SDHB: variants seen among roughly 807,000 people sequenced by gnomAD.
SDHB encodes succinate dehydrogenase complex iron sulfur subunit B, also known as succinate dehydrogenase [ubiquinone] iron-sulfur subunit, mitochondrial.
SDHB carries 21 observed loss-of-function variants against 39.7 expected under a neutral mutation model. That is an observed-to-expected ratio of 0.53 (90% CI 0.37 to 0.76). SDHB has a LOEUF of 0.76. Among genes scored for constraint, SDHB ranks in the 30% least tolerant of loss-of-function variants. The probability of loss-of-function intolerance (pLI) is 0.00; values close to 1 mark genes in which losing one functional copy is unlikely to be tolerated. For missense variants in SDHB, 343 were observed against 350.9 expected (o/e 0.98, Z 0.18); for synonymous variants, 118 against 117.0 (o/e 1.01, Z -0.06).
rs147652082 is a variant in SDHB, at chr1:17,051,489, G to A, written c.72+2459C>T. Among the ~76,000 whole-genome samples, 54 of 152,162 alleles carry A rather than the reference G, an allele frequency of 3.5e-4. No homozygotes were observed. The South Asian group carries it at 0.01, about 29-fold the overall frequency. ...GAGAAGAAGGTGGGGAAATAGAGAG[G>A]AAGAAAGCAAAAAGGACTGTATGAA... On this transcript the variant is annotated intron_variant, in intron 1 of 7. Coordinates refer to ENST00000375499, the MANE Select transcript of SDHB (RefSeq NM_003000.3).
intron 1 of SDHB, among the ~76,000 whole-genome samples, chr1:17,049,360 C>T (rs147635972): frequency 4.7e-4 from 71 of 151,218 alleles, no homozygotes; most frequent in African/African-American, 1.6e-3. Flanking sequence ...TGCAGTGGCG[C>T]GATCTTGGAT....
chr1:17,028,717 T>G lies in SDHB; in HGVS notation c.306A>C (p.Ala102=). 1 of 1,614,142 alleles carries G rather than the reference T, an allele frequency of 6.2e-7. No individual in the cohort carries two copies. The stretch of plus-strand genomic sequence containing the variant: ...GAGTGTTGCCTCCATTGATGTTCAT[T>G]GCACAAGAGCCACAGATGCCTGAAA... ...SCREGICGSC[A]MNINGGNTLA... is the part of the protein sequence containing the mutation. The change falls in exon 4 of 8, where the codon GCA becomes GCC. Residue 102 remains alanine, a synonymous_variant. Transcript: ENST00000375499.
chr1:17,025,529 C>T (rs1047184063), intron 5 of SDHB, among the ~76,000 whole-genome samples: 4 of 151,922 alleles, frequency 2.6e-5, no homozygotes, highest in African/African-American at 7.3e-5. Context: ...CCCATCTCAG[C>T]CTCCTGAGTA....
At chr1:17,027,601 G>A (rs985398510) in intron 5 of SDHB, 148 bp downstream of exon 5, 25 of 714,642 alleles carry the variant, frequency 3.5e-5, no homozygotes, top group East Asian at 1.0e-4. Flanking sequence ...CCGGCCCTAA[G>A]AGGATGAGTG....
chr1:17,037,506 G>C (rs1389595660), intron 2 of SDHB, among the ~76,000 whole-genome samples: 2 of 151,964 alleles, frequency 1.3e-5, no homozygotes, highest in Non-Finnish European at 2.9e-5. Flanking sequence ...GCCCAGGCTG[G>C]AGTGCAGTGG....
Position 17,022,649 on chromosome 1 carries a change from G to T in SDHB, c.724C>A (p.Arg242Ser), listed in dbSNP as rs786203251. 1 of 1,614,012 alleles carries T rather than the reference G, an allele frequency of 6.2e-7. No homozygotes were observed. The highest frequency in any genetic ancestry group is 8.5e-7 in the Non-Finnish European group (1 of 1,179,962). The change falls in exon 7 of 8, where the codon CGC becomes AGC. Residue 242 changes from arginine to serine, a missense_variant. Coordinates refer to ENST00000375499, the MANE Select transcript of SDHB (RefSeq NM_003000.3). Reference sequence around the variant, plus strand: ...GTGCAGTTCATGATGGTGTGGCAGCGGTATAGAGAGAATGGGTCCTGCAGC... The same window carrying T: ...GTGCAGTTCATGATGGTGTGGCAGCTGTATAGAGAGAATGGGTCCTGCAGC... ...AKLQDPFSLYRCHTIMNCTRT... is the reference protein window; with the variant it reads ...AKLQDPFSLYSCHTIMNCTRT...
At chr1:17,028,557 C>G in intron 4 of SDHB, 43 bp downstream of exon 4, 2 of 1,608,294 alleles carry the variant, frequency 1.2e-6, no homozygotes, top group Non-Finnish European at 1.7e-6. Context: ...AGCACTGCCC[C>G]CCATGCAAAT....
intron 2 of SDHB, among the ~76,000 whole-genome samples, chr1:17,042,775 C>CAA (rs35897475): frequency 0.42 from 61,894 of 148,614 alleles, 14,435 homozygotes; most frequent in Non-Finnish European, 0.54. Context: ...GACCCTGACT[C>CAA]AAAAAAAAAG....
intron 3 of SDHB, among the ~76,000 whole-genome samples, chr1:17,031,208 G>A (rs2078021335): frequency 6.6e-6 from 1 of 152,216 alleles, no homozygotes; most frequent in Middle Eastern, 3.4e-3. Context: ...AGTTCCCCAA[G>A]AGACTGGATA....
intron 1 of SDHB, among the ~76,000 whole-genome samples, chr1:17,046,276 T>G (rs1344746637): frequency 1.3e-5 from 2 of 152,218 alleles, no homozygotes; most frequent in South Asian, 2.1e-4. Flanking sequence ...TAATGCCACC[T>G]TGTGGTATTT....
chr1:17,052,484 C>G (rs1294840251), intron 1 of SDHB: 3 of 152,146 alleles, frequency 2.0e-5, no homozygotes, highest in Non-Finnish European at 4.4e-5. Flanking sequence ...ACAAAAATGA[C>G]CTATGAAATT....
chr1:17,024,596 A>G (rs2077982257), intron 5 of SDHB, among the ~76,000 whole-genome samples: 1 of 152,200 alleles, frequency 6.6e-6, no homozygotes, highest in Admixed American at 6.5e-5. Context: ...CATCACAGTA[A>G]TCCTGTGAGG....
rs201558574 is a variant in SDHB at position 17,024,081 on chromosome 1, G to A, written c.541-7C>T. On this transcript the variant is annotated splice_polypyrimidine_tract_variant and splice_region_variant and intron_variant, in intron 5 of 7. Transcript: ENST00000375499. ...TGCACTCGTAGAGCCCGTCCTGTAT[G>A]GGGAGAAAAGAGAGGCAGGAGCTTG... 3 of 1,601,748 alleles carry A rather than the reference G, an allele frequency of 1.9e-6. No homozygotes were observed. The highest frequency in any genetic ancestry group is 1.7e-5 in the Admixed American group (1 of 59,950).
chr1:17,036,679 TA>T (rs1242752065), intron 2 of SDHB, among the ~76,000 whole-genome samples: 1 of 144,678 alleles, frequency 6.9e-6, no homozygotes, highest in Non-Finnish European at 1.5e-5. Flanking sequence ...TTTACATATA[TA>T]AATATAAATA....
rs148219632 is a variant in SDHB at position 17,045,478 on chromosome 1, G to A, written c.73-590C>T. Among the ~76,000 whole-genome samples, 313 of 152,184 alleles carry A rather than the reference G, an allele frequency of 2.1e-3. 1 individual carries two copies. Among genetic ancestry groups the A allele is most frequent in the African/African-American group, 7.1e-3 (296 of 41,514 alleles). ...AAAATAAAAAAATTAGCTGGGTGTC[G>A]TAGTGTGCGTCTCAGGAGGCAGAAG... On this transcript the variant is annotated intron_variant, in intron 1 of 7. Coordinates refer to ENST00000375499, the MANE Select transcript of SDHB (RefSeq NM_003000.3).
At chr1:17,024,480 C>T (rs2077981579) in intron 5 of SDHB, among the ~76,000 whole-genome samples, 2 of 152,208 alleles carry the variant, frequency 1.3e-5, no homozygotes, top group Non-Finnish European at 2.9e-5. Context: ...CTGGGCTCAG[C>T]AGAAGGGCCC....
rs794728946 is a variant in SDHB at position 17,027,763 on chromosome 1, C to A, written c.526G>T (p.Glu176Ter). ...GKQQYLQSIEEREKLDGLYEC... is the reference protein window; with the variant it reads ...GKQQYLQSIE ...GGACTAATGACCAGTTTCTCACGCT[C>A]TTCTATGGACTGCAGATACTGCTGC... is the stretch of plus-strand genomic sequence containing the variant. The change falls in exon 5 of 8, where the codon GAG (glutamate) becomes TAG (stop). Residue 176 changes from glutamate to a stop codon, truncating the protein, a stop_gained. Coordinates refer to ENST00000375499, the MANE Select transcript of SDHB (RefSeq NM_003000.3). LOFTEE classifies it high-confidence loss of function. 1 of 1,593,996 alleles carries A rather than the reference C, an allele frequency of 6.3e-7. No homozygotes were observed. The highest frequency in any genetic ancestry group is 8.6e-7 in the Non-Finnish European group (1 of 1,161,754).
At chr1:17,029,224 G>C (rs2078009940) in intron 3 of SDHB, among the ~76,000 whole-genome samples, 1 of 144,974 alleles carries the variant, frequency 6.9e-6, no homozygotes, top group Non-Finnish European at 1.5e-5. Flanking sequence ...TCCCACCTCA[G>C]CCTCCTAAGT....
chr1:17,021,676 C>T (rs1003532290), intron 7 of SDHB, among the ~76,000 whole-genome samples: 3 of 151,602 alleles, frequency 2.0e-5, no homozygotes, highest in South Asian at 2.1e-4. Flanking sequence ...ACCTGGGAGG[C>T]GGAGGTTGTG....
Sources: gnomAD v4.1 joint callset for allele counts (sites outside exome capture counted in the v4.1 genomes callset) on GRCh38, gnomAD v4.1.1 for gene constraint, MANE v1.5 for transcripts, NCBI Gene and HGNC (gene_info 2026-07-23, HGNC 2026-07-21) for gene names.